The following SLC9C1 variants were observed in gnomAD, a reference collection of about 807,000 sequenced individuals.
SLC9C1 encodes the protein sodium/hydrogen exchanger 10.
In SLC9C1, 97 loss-of-function variants were observed where a neutral mutation model predicts 140.9. The observed-to-expected ratio is 0.69, with a 90% CI of 0.58 to 0.82. The LOEUF is 0.82. SLC9C1 is among the 40% of genes least tolerant of loss of function. The pLI, the probability that SLC9C1 is intolerant of heterozygous loss-of-function variation, is 0.00. For synonymous variants in SLC9C1, 440 were observed against 442.6 expected (o/e 0.99, Z 0.07); for missense variants, 1,340 against 1,389.3 (o/e 0.96, Z 0.56).
In SLC9C1 at chr3:112,239,922, G is replaced by T; in HGVS notation, c.1364C>A (p.Ser455Tyr). The T allele has an allele frequency of 6.2e-7, 1 of 1,614,020 alleles. No individual in the cohort carries two copies. The highest frequency in any genetic ancestry group is 8.5e-7 in the Non-Finnish European group (1 of 1,179,972). Residue 455 changes from serine to tyrosine, a missense_variant, in exon 12 of 29, where the codon TCT becomes TAT. By Grantham distance (144) the Ser-to-Tyr change is moderately radical. Transcript: ENST00000305815. ...AAGATCTTTGTCAAATTTAAGGGCAGAGGCTGCAGACTTGGTTAGCTCTTG... is the reference window on the plus strand; with the variant it reads ...AAGATCTTTGTCAAATTTAAGGGCATAGGCTGCAGACTTGGTTAGCTCTTG... ...HFQELTKSAA[S>Y]ALKFDKDLAN...
At chr3:112,241,868 A>T (rs758554203) in intron 11 of SLC9C1, among the ~76,000 whole-genome samples, 13 of 152,200 alleles carry the variant, frequency 8.5e-5, no homozygotes, top group Non-Finnish European at 1.0e-4. Context: ...CTATTCAGTA[A>T]ATGGTGCTGC....
chr3:112,269,190 G>C (rs2080004228), intron 7 of SLC9C1, among the ~76,000 whole-genome samples: 2 of 152,154 alleles, frequency 1.3e-5, no homozygotes, highest in South Asian at 2.1e-4. Flanking sequence ...GCTCACTGCA[G>C]CCTCAAATTC....
chr3:112,217,397 CAAG>C, intron 15 of SLC9C1, 42 bp downstream of exon 15: 1 of 1,505,274 alleles, frequency 6.6e-7, no homozygotes, highest in South Asian at 1.4e-5. Flanking sequence ...CAGGGAATTT[CAAG>C]TGAATATAAT....
intron 7 of SLC9C1, among the ~76,000 whole-genome samples, chr3:112,268,348 C>T (rs997258688): frequency 2.0e-5 from 3 of 152,136 alleles, no homozygotes; most frequent in African/African-American, 7.2e-5. Flanking sequence ...TTTTCCTCTT[C>T]AGAGGGAAAA....
intron 3 of SLC9C1, among the ~76,000 whole-genome samples, chr3:112,279,545 T>C (rs1406059654): frequency 6.6e-6 from 1 of 151,940 alleles, no homozygotes; most frequent in Non-Finnish European, 1.5e-5. Context: ...ATGCACAAAA[T>C]TCACAAAGGA....
At chr3:112,219,328 C>A (rs1576371907) in intron 14 of SLC9C1, among the ~76,000 whole-genome samples, 1 of 151,906 alleles carries the variant, frequency 6.6e-6, no homozygotes, top group Non-Finnish European at 1.5e-5. Flanking sequence ...AATATAAGCA[C>A]ATCAATAGAA....
In SLC9C1 at chr3:112,142,079, G is replaced by A. The variant is rs192488229; in HGVS notation, c.3525-798C>T. Among the ~76,000 whole-genome samples, 359 of 152,128 alleles carry A rather than the reference G, an allele frequency of 2.4e-3. 11 individuals carry two copies. The South Asian group carries it at 0.033, about 14-fold the overall frequency. On this transcript the variant is annotated intron_variant, in intron 28 of 28. Coordinates refer to ENST00000305815, the MANE Select transcript of SLC9C1 (RefSeq NM_183061.3). ...ATTTACTGTAAGAATAATTTACTTT[G>A]GATTAATCCCTAGAAGCATAATCAC...
At chr3:112,266,106 A>C in intron 8 of SLC9C1, 132 bp downstream of exon 8, 1 of 658,592 alleles carries the variant, frequency 1.5e-6, no homozygotes, top group Non-Finnish European at 2.5e-6. Context: ...AAAATCTAGG[A>C]AAGGTTTTTA....
intron 13 of SLC9C1, among the ~76,000 whole-genome samples, chr3:112,223,981 C>T (rs556166665): frequency 2.4e-4 from 37 of 152,298 alleles, no homozygotes; most frequent in African/African-American, 8.2e-4. Flanking sequence ...CCCCTTGCTT[C>T]CCCAGAGTGA....
At chr3:112,249,658 G>A (rs2079392976) in intron 10 of SLC9C1, among the ~76,000 whole-genome samples, 1 of 152,072 alleles carries the variant, frequency 6.6e-6, no homozygotes, top group Non-Finnish European at 1.5e-5. Context: ...TTTATTCCTG[G>A]TTTAATCTTG....
rs1007527568 is a variant in SLC9C1 at position 112,283,372 on chromosome 3, G to A, written c.89-2589C>T. Among the ~76,000 whole-genome samples the A allele has an allele frequency of 3.9e-5, 6 of 151,932 alleles. No homozygotes were observed. The East Asian group carries it at 1.2e-3, about 29-fold the overall frequency. The stretch of plus-strand genomic sequence containing the variant: ...GTTGTGTGTGCCTGTGGTCCTAGCT[G>A]CTTGGGAGGCTGAGGTGGGAGGATC... On this transcript the variant is annotated intron_variant, in intron 2 of 28. Transcript: ENST00000305815.
chr3:112,238,244 T>G (rs528272189), intron 12 of SLC9C1, among the ~76,000 whole-genome samples: 1 of 152,368 alleles, frequency 6.6e-6, no homozygotes, highest in South Asian at 2.1e-4. Context: ...TCCAGTTGAT[T>G]GAATCGGCTA....
intron 10 of SLC9C1, among the ~76,000 whole-genome samples, chr3:112,245,187 G>A (rs950711383): frequency 2.6e-5 from 4 of 152,126 alleles, no homozygotes; most frequent in Non-Finnish European, 5.9e-5. Flanking sequence ...CATATGACAT[G>A]TCTCACTGTG....
chr3:112,249,290 G>A (rs1052629592), intron 10 of SLC9C1, among the ~76,000 whole-genome samples: 1 of 151,246 alleles, frequency 6.6e-6, no homozygotes, highest in Non-Finnish European at 1.5e-5. Context: ...GGCATCCAAA[G>A]GATAAAGCCT....
At chr3:112,189,496 C>T (rs1352759393) in intron 20 of SLC9C1, among the ~76,000 whole-genome samples, 2 of 152,160 alleles carry the variant, frequency 1.3e-5, no homozygotes, top group African/African-American at 4.8e-5. Context: ...AATCCTTTCC[C>T]CATTGCTTGT....
At chr3:112,167,926 C>T (rs746297960) in intron 25 of SLC9C1, among the ~76,000 whole-genome samples, 7 of 152,178 alleles carry the variant, frequency 4.6e-5, no homozygotes, top group Admixed American at 1.3e-4. Context: ...AGCAGCGTAG[C>T]GGAGAATGTT....
intron 6 of SLC9C1, among the ~76,000 whole-genome samples, chr3:112,272,770 A>C (rs943829062): frequency 1.3e-5 from 2 of 152,160 alleles, no homozygotes; most frequent in African/African-American, 4.8e-5. Flanking sequence ...TATTATCAAA[A>C]TTACAAGGCA....
At position 112,286,893 on chromosome 3, in the gene SLC9C1, A is replaced by T; in HGVS notation, c.-87-15T>A. ...TCCATCTGAATCTAAGAAACATAAG[A>T]TTTGCCTTCTTGGTGGCCTTCTAAT... On this transcript the variant is annotated splice_polypyrimidine_tract_variant and intron_variant, in intron 1 of 28. Coordinates refer to ENST00000305815, the MANE Select transcript of SLC9C1 (RefSeq NM_183061.3). 1.5e-6 allele frequency: 1 copy of T among 684,168 alleles called. No homozygotes were observed. Among genetic ancestry groups the T allele is most frequent in the South Asian group, 3.9e-5 (1 of 25,502 alleles). 42.4% of individuals were successfully genotyped at this position (684,168 alleles called of 1,614,324 possible).
chr3:112,255,062 G>A (rs910163111), intron 10 of SLC9C1, among the ~76,000 whole-genome samples: 3 of 152,102 alleles, frequency 2.0e-5, no homozygotes, highest in African/African-American at 7.2e-5. Context: ...GCACCTAACA[G>A]AGGAGCACTG....
Sources: allele counts gnomAD v4.1 joint callset (sites outside exome capture counted in the v4.1 genomes callset), GRCh38; gene constraint gnomAD v4.1.1; transcripts MANE v1.5; gene names NCBI Gene and HGNC (gene_info 2026-07-23, HGNC 2026-07-21).